The following TNFAIP8L3 variants were observed in gnomAD, a reference collection of about 807,000 sequenced individuals.
TNFAIP8L3 encodes the protein tumor necrosis factor alpha-induced protein 8-like protein 3.
Under a neutral mutation model 11.8 loss-of-function variants are expected in TNFAIP8L3, and 7 were observed. The observed-to-expected ratio is 0.59, with a 90% CI of 0.34 to 1.11. The LOEUF (loss-of-function observed/expected upper bound fraction) is 1.11. Among genes scored for constraint, TNFAIP8L3 ranks in the 50% most tolerant of loss-of-function variants. The probability of loss-of-function intolerance (pLI) is 0.03; values close to 1 mark genes in which losing one functional copy is unlikely to be tolerated. For missense variants in TNFAIP8L3, 219 were observed against 258.6 expected (o/e 0.85, Z 1.05); for synonymous variants, 98 against 103.8 (o/e 0.94, Z 0.34).
intron 1 of TNFAIP8L3, among the ~76,000 whole-genome samples, chr15:51,068,660 GTTTTTTTTTTTT>G (rs113982459): frequency 2.6e-5 from 3 of 116,342 alleles, no homozygotes; most frequent in Non-Finnish European, 5.3e-5. Context: ...CACCCCTCCT[GTTTTTTTTTTTT>G]TTTTTTTTTT....
intron 1 of TNFAIP8L3, among the ~76,000 whole-genome samples, chr15:51,079,335 T>C (rs929375696): frequency 2.2e-4 from 34 of 152,236 alleles, no homozygotes; most frequent in South Asian, 2.1e-4. Context: ...ACTTATCACC[T>C]TGTGGAGCAA....
chr15:51,067,030 A>G (rs541115610), intron 1 of TNFAIP8L3, among the ~76,000 whole-genome samples: 1 of 152,312 alleles, frequency 6.6e-6, no homozygotes, highest in Non-Finnish European at 1.5e-5. Context: ...CAAACAAAAA[A>G]AAACCTTGAT....
At chr15:51,104,662 G>A (rs2065576975) in intron 1 of TNFAIP8L3, among the ~76,000 whole-genome samples, 1 of 152,204 alleles carries the variant, frequency 6.6e-6, no homozygotes, top group South Asian at 2.1e-4. Flanking sequence ...GATGGCTGGA[G>A]GTTTTGGCTC....
At chr15:51,098,099 GC>G (rs1278508470), upstream of TNFAIP8L3, among the ~76,000 whole-genome samples, 1 of 152,152 alleles carries the variant, frequency 6.6e-6, no homozygotes, top group African/African-American at 2.4e-5. Context: ...TAAGGAAATT[GC>G]CTGTCTGGTG....
At chr15:51,096,518 G>C (rs1404394876), upstream of TNFAIP8L3, among the ~76,000 whole-genome samples, 1 of 152,116 alleles carries the variant, frequency 6.6e-6, no homozygotes, top group African/African-American at 2.4e-5. Context: ...TTTGATAACT[G>C]GAAAGAACAC....
intron 1 of TNFAIP8L3, among the ~76,000 whole-genome samples, chr15:51,092,845 C>T (rs2065481924): frequency 6.6e-6 from 1 of 152,164 alleles, no homozygotes; most frequent in Non-Finnish European, 1.5e-5. Flanking sequence ...CTCCCTGCCC[C>T]CGGCTTCTCT....
chr15:51,076,214 A>G (rs1352123315), intron 1 of TNFAIP8L3, among the ~76,000 whole-genome samples: 1 of 152,220 alleles, frequency 6.6e-6, no homozygotes, highest in Non-Finnish European at 1.5e-5. Context: ...TGTCATGGTC[A>G]ATATCTGGCC....
chr15:51,059,451 T>C (rs1478727751), intron 1 of TNFAIP8L3, among the ~76,000 whole-genome samples: 6 of 152,220 alleles, frequency 3.9e-5, no homozygotes, highest in South Asian at 4.1e-4. Flanking sequence ...TTACAATTGA[T>C]GGTGTTTTGA....
chr15:51,093,271 C>T (rs958745955), intron 1 of TNFAIP8L3, among the ~76,000 whole-genome samples: 5 of 152,222 alleles, frequency 3.3e-5, no homozygotes, highest in African/African-American at 9.6e-5. Context: ...CCCACCCACC[C>T]AAAGGTGCGG....
At chr15:51,065,526 A>G (rs2065264993) in intron 1 of TNFAIP8L3, among the ~76,000 whole-genome samples, 1 of 152,232 alleles carries the variant, frequency 6.6e-6, no homozygotes, top group African/African-American at 2.4e-5. Context: ...GAATAGCTTC[A>G]GCATGGTAAG....
At chr15:51,076,777 T>A (rs1279989277) in intron 1 of TNFAIP8L3, among the ~76,000 whole-genome samples, 1 of 152,200 alleles carries the variant, frequency 6.6e-6, no homozygotes, top group Non-Finnish European at 1.5e-5. Flanking sequence ...GCACTCACTG[T>A]GTGCCATGGG....
intron 1 of TNFAIP8L3, among the ~76,000 whole-genome samples, chr15:51,082,367 T>C (rs1397733004): frequency 1.3e-5 from 2 of 152,128 alleles, no homozygotes; most frequent in Admixed American, 1.3e-4. Flanking sequence ...GTATAAAAGA[T>C]AAAAAATGGT....
chr15:51,082,731 AT>A (rs927838097), intron 1 of TNFAIP8L3, among the ~76,000 whole-genome samples: 7 of 152,110 alleles, frequency 4.6e-5, no homozygotes, highest in South Asian at 4.2e-4. Flanking sequence ...TTTTCTATTA[AT>A]TTTTTTCTTT....
chr15:51,087,890 TAATAA>T (rs1322956593), intron 1 of TNFAIP8L3, among the ~76,000 whole-genome samples: 1 of 140,996 alleles, frequency 7.1e-6, no homozygotes, highest in African/African-American at 2.6e-5. Flanking sequence ...TTCTGATATG[TAATAA>T]AATAAAATTT....
At chr15:51,098,306 G>A (rs1446242191), upstream of TNFAIP8L3, among the ~76,000 whole-genome samples, 1 of 152,136 alleles carries the variant, frequency 6.6e-6, no homozygotes, top group Non-Finnish European at 1.5e-5. Flanking sequence ...CACACGCTAG[G>A]ACTGCTGCTC....
chr15:51,061,409 A>G (rs146335300), intron 1 of TNFAIP8L3, among the ~76,000 whole-genome samples: 30 of 152,354 alleles, frequency 2.0e-4, no homozygotes, highest in African/African-American at 7.0e-4. Flanking sequence ...TAATTTCTAG[A>G]TAATGTAAAT....
intron 1 of TNFAIP8L3, among the ~76,000 whole-genome samples, chr15:51,065,328 G>T (rs942823579): frequency 3.3e-5 from 5 of 152,174 alleles, no homozygotes; most frequent in African/African-American, 7.2e-5. Context: ...ATAATTTAAG[G>T]GGGGAACTTC....
intron 1 of TNFAIP8L3, among the ~76,000 whole-genome samples, chr15:51,075,275 G>C (rs546574572): frequency 3.9e-4 from 60 of 152,192 alleles, no homozygotes; most frequent in Non-Finnish European, 2.9e-4. Context: ...GCCCACTTGG[G>C]TTCTGCCTGT....
chr15:51,086,123 G>A (rs111368963), intron 1 of TNFAIP8L3, among the ~76,000 whole-genome samples: 1 of 145,612 alleles, frequency 6.9e-6, no homozygotes, highest in Non-Finnish European at 1.5e-5. Context: ...ATGCTGGGGT[G>A]AAAAAAAGGG....
Sources: gnomAD v4.1 joint callset for allele counts (sites outside exome capture counted in the v4.1 genomes callset) on GRCh38, gnomAD v4.1.1 for gene constraint, MANE v1.5 for transcripts, NCBI Gene and HGNC (gene_info 2026-07-23, HGNC 2026-07-21) for gene names.